Variants in BPGM observed in about 807,000 individuals in gnomAD.
BPGM encodes the protein bisphosphoglycerate mutase.
Under a neutral mutation model 21.6 loss-of-function variants are expected in BPGM, and 15 were observed. The ratio of observed to expected loss-of-function variants is 0.70; its 90% CI spans 0.47 to 1.07. BPGM has a LOEUF of 1.07. Ranked by LOEUF, BPGM falls within the 50% of genes least tolerant of loss-of-function variation. BPGM has a pLI of 0.00. For missense variants in BPGM, 273 were observed against 319.0 expected (o/e 0.86, Z 1.10); for synonymous variants, 113 against 116.2 (o/e 0.97, Z 0.18).
At chr7:134,668,239 C>T (rs1224944058) in intron 2 of BPGM, among the ~76,000 whole-genome samples, 3 of 152,106 alleles carry the variant, frequency 2.0e-5, no homozygotes, top group Non-Finnish European at 4.4e-5. Context: ...ATTCCTTGGC[C>T]GTGATCATGG....
intron 1 of BPGM, among the ~76,000 whole-genome samples, chr7:134,648,063 G>C (rs1343247541): frequency 1.1e-5 from 1 of 93,834 alleles, no homozygotes; most frequent in African/African-American, 5.2e-5. Flanking sequence ...CTCCCAAAGT[G>C]CTGGGATTAC....
intron 2 of BPGM, among the ~76,000 whole-genome samples, chr7:134,667,957 T>C (rs988488455): frequency 6.6e-6 from 1 of 152,208 alleles, no homozygotes; most frequent in African/African-American, 2.4e-5. Flanking sequence ...AAATAACTAA[T>C]TAGAATATTG....
At chr7:134,663,599 G>GT in intron 2 of BPGM, among the ~76,000 whole-genome samples, 1 of 152,316 alleles carries the variant, frequency 6.6e-6, no homozygotes, top group Admixed American at 6.5e-5. Context: ...GAATTTCAGA[G>GT]TTTCTGCCAG....
chr7:134,666,266 G>A (rs1003155581), intron 2 of BPGM, among the ~76,000 whole-genome samples: 1 of 152,082 alleles, frequency 6.6e-6, no homozygotes. Flanking sequence ...TTTATTTGGG[G>A]GATAATTGAT....
intron 1 of BPGM, chr7:134,660,679 T>C (rs1795716618): frequency 6.6e-6 from 1 of 152,424 alleles, no homozygotes. Flanking sequence ...GATCTGTTTG[T>C]ACAGGCAGCA....
Position 134,679,080 on chromosome 7 carries a change from AGT to A in BPGM, c.*54_*55del, listed in dbSNP as rs1796025656. ...AGAAATGCAAAAGAAGTGGCATAGGAGTGTGTTATGGGTGCTGAACTCTCTCT... is the reference window on the plus strand; with the variant it reads ...AGAAATGCAAAAGAAGTGGCATAGGAGTGTTATGGGTGCTGAACTCTCTCT... On this transcript the variant is annotated 3_prime_UTR_variant, in exon 3 of 3. Transcript: ENST00000344924. 1.3e-6 allele frequency: 2 copies of A among 1,591,184 alleles called. No individual in the cohort carries two copies. The highest frequency in any genetic ancestry group is 8.6e-7 in the Non-Finnish European group (1 of 1,161,510).
chr7:134,670,665 C>T (rs1015268713), intron 2 of BPGM, among the ~76,000 whole-genome samples: 4 of 151,970 alleles, frequency 2.6e-5, no homozygotes, highest in Non-Finnish European at 4.4e-5. Flanking sequence ...CTAGTTTCAG[C>T]TCTTATTGGC....
At chr7:134,653,088 A>G (rs969444732) in intron 1 of BPGM, among the ~76,000 whole-genome samples, 2 of 152,236 alleles carry the variant, frequency 1.3e-5, no homozygotes, top group Non-Finnish European at 2.9e-5. Context: ...AAATAAATTA[A>G]TATTTCATGT....
At chr7:134,669,041 T>C (rs1295652831) in intron 2 of BPGM, among the ~76,000 whole-genome samples, 1 of 152,214 alleles carries the variant, frequency 6.6e-6, no homozygotes, top group Non-Finnish European at 1.5e-5. Context: ...TGACTTTTGC[T>C]ATATGTAAAT....
At position 134,663,368 on chromosome 7, in the gene BPGM, A is replaced by ATGTGTGTG. The variant is rs146657759; in HGVS notation, c.601+1270_601+1277dup. Among the ~76,000 whole-genome samples the ATGTGTGTG allele has an allele frequency of 1.4e-3, 207 of 151,172 alleles. 2 individuals are homozygous for ATGTGTGTG. The highest frequency in any genetic ancestry group is 4.6e-3 in the African/African-American group (191 of 41,298). ...TTATTGGCTAGACATGGCACTTGAT[A>ATGTGTGTG]TGTGTGTGTGTGTGTGTTTGTGTGT... is the stretch of plus-strand genomic sequence containing the variant. On this transcript the variant is annotated intron_variant, in intron 2 of 2. Transcript: ENST00000344924.
At chr7:134,664,068 ATTAAT>A (rs1795777578) in intron 2 of BPGM, among the ~76,000 whole-genome samples, 1 of 152,168 alleles carries the variant, frequency 6.6e-6, no homozygotes, top group South Asian at 2.1e-4. Context: ...AATTTATTTA[ATTAAT>A]TTAATCAAAT....
At chr7:134,658,159 T>C (rs2131424554) in intron 1 of BPGM, among the ~76,000 whole-genome samples, 1 of 152,296 alleles carries the variant, frequency 6.6e-6, no homozygotes, top group East Asian at 1.9e-4. Context: ...CACAGGGCAA[T>C]GGGCTGGAGC....
intron 2 of BPGM, among the ~76,000 whole-genome samples, chr7:134,673,733 T>G (rs1795941948): frequency 6.6e-6 from 1 of 152,116 alleles, no homozygotes. Flanking sequence ...AGAGCATTCA[T>G]ATAAACATTC....
chr7:134,647,787 TTG>T (rs1490308672), intron 1 of BPGM, among the ~76,000 whole-genome samples: 2 of 152,128 alleles, frequency 1.3e-5, no homozygotes, highest in Non-Finnish European at 2.9e-5. Flanking sequence ...TCATGTCAAT[TTG>T]TCTTTTATTT....
Position 134,679,292 on chromosome 7 carries a change from TCA to T in BPGM, c.*262_*263del. 2.1e-6 allele frequency: 1 copy of T among 470,538 alleles called. No homozygotes were observed. Among genetic ancestry groups the T allele is most frequent in the Non-Finnish European group, 3.8e-6 (1 of 260,542 alleles). 29.1% of individuals were successfully genotyped at this position (470,538 alleles called of 1,614,324 possible). A position where few individuals can be genotyped will look rare whatever the true frequency, so the allele number is the denominator to read the frequency against. On this transcript the variant is annotated 3_prime_UTR_variant, in exon 3 of 3. Coordinates refer to ENST00000344924, the MANE Select transcript of BPGM (RefSeq NM_001724.5). ...AGTAACTAGTGGGGCTTAATGAAGGTCATAAGTTTCTGAGATGGGAGAGCAAC... is the reference window on the plus strand; with the variant it reads ...AGTAACTAGTGGGGCTTAATGAAGGTTAAGTTTCTGAGATGGGAGAGCAAC...
intron 1 of BPGM, chr7:134,647,244 C>G (rs1795475063): frequency 6.6e-6 from 1 of 152,376 alleles, no homozygotes; most frequent in Non-Finnish European, 1.5e-5. Flanking sequence ...GATAAACTCT[C>G]TTCTGGATGT....
In BPGM at chr7:134,661,841, G is replaced by GT; in HGVS notation, c.335dup (p.Arg113GlufsTer15). ...GGCTTTGAATCATGGTGAAGAACAA[G>GT]TGAGGCTCTGGAGAAGAAGCTACAA... is the stretch of plus-strand genomic sequence containing the variant. On this transcript the variant is annotated frameshift_variant, in exon 2 of 3. Transcript: ENST00000344924. LOFTEE classifies it high-confidence loss of function. This position sits in a 1 kb window ranked among gnomAD's most constrained non-coding sequence, Gnocchi z 4.6. 1 of 1,608,898 alleles carries GT rather than the reference G, an allele frequency of 6.2e-7. No individual in the cohort carries two copies. The highest frequency in any genetic ancestry group is 1.7e-4 in the Middle Eastern group (1 of 6,034).
At chr7:134,652,051 G>A (rs1795564324) in intron 1 of BPGM, among the ~76,000 whole-genome samples, 1 of 152,174 alleles carries the variant, frequency 6.6e-6, no homozygotes, top group Non-Finnish European at 1.5e-5. Flanking sequence ...AAATAATTTA[G>A]TTAAGCAAAA....
intron 1 of BPGM, among the ~76,000 whole-genome samples, chr7:134,652,448 C>G (rs1795571036): frequency 6.6e-6 from 1 of 152,096 alleles, no homozygotes. Flanking sequence ...TTACCTCATG[C>G]ATTTGTCTAT....
Sources: allele counts gnomAD v4.1 joint callset (sites outside exome capture counted in the v4.1 genomes callset), GRCh38; gene constraint gnomAD v4.1.1; non-coding constraint Gnocchi (gnomAD v3.1); transcripts MANE v1.5; gene names NCBI Gene and HGNC (gene_info 2026-07-23, HGNC 2026-07-21).